Variants in MAOB observed in about 807,000 individuals in gnomAD.
The protein encoded by MAOB is monoamine oxidase B, also known as amine oxidase [flavin-containing] B.
Under a neutral mutation model 41.9 loss-of-function variants are expected in MAOB, and 15 were observed. The observed-to-expected ratio is 0.36, with a 90% confidence interval of 0.24 to 0.55. The LOEUF (loss-of-function observed/expected upper bound fraction) is 0.55. Ranked by LOEUF, MAOB falls within the 20% of genes least tolerant of loss-of-function variation. The pLI, the probability that MAOB is intolerant of heterozygous loss-of-function variation, is 0.86. For synonymous variants in MAOB, 167 were observed against 144.2 expected, an observed-to-expected ratio of 1.16 and a Z score of -1.13; for missense variants, 345 against 398.7, an observed-to-expected ratio of 0.87 and a Z score of 1.15.
chrX:43,801,433 A>G (rs370261151), intron 5 of MAOB, among the ~76,000 whole-genome samples: 37 of 111,559 alleles, frequency 3.3e-4, no homozygotes, highest in African/African-American at 1.2e-3. Flanking sequence ...AATGCTCTTT[A>G]GCAAGACAGG....
chrX:43,869,220 C>T (rs1480236489), intron 1 of MAOB, among the ~76,000 whole-genome samples: 1 of 111,762 alleles, frequency 8.9e-6, no homozygotes, highest in Non-Finnish European at 1.9e-5. Flanking sequence ...AGATCTCTCT[C>T]TCTCTATTAT....
rs761623995 is a variant in MAOB at position 43,775,155 on chromosome X, T to A, written c.1235+20A>T. ...AGGTGCAGGGGATTTCTGTAACAGC[T>A]TAGCATGCTTTTACTCTACCTTCCA... On this transcript the variant is annotated intron_variant, in intron 12 of 14. Coordinates refer to ENST00000378069, the MANE Select transcript of MAOB (RefSeq NM_000898.5). 25 of 1,158,027 alleles carry A rather than the reference T, an allele frequency of 2.2e-5. No homozygotes were observed. Among genetic ancestry groups the A allele is most frequent in the Non-Finnish European group, 2.8e-5 (24 of 871,604 alleles).
intron 1 of MAOB, among the ~76,000 whole-genome samples, chrX:43,868,962 A>G (rs1158403228): frequency 1.8e-5 from 2 of 111,103 alleles, no homozygotes; most frequent in Non-Finnish European, 3.8e-5. Flanking sequence ...TTTCTAAATG[A>G]TAGCCTCGTA....
At chrX:43,812,519 C>A (rs1231445912) in intron 3 of MAOB, among the ~76,000 whole-genome samples, 1 of 112,087 alleles carries the variant, frequency 8.9e-6, no homozygotes, top group East Asian at 2.8e-4. Context: ...TACTACCTGT[C>A]TTTTGAATAT....
intron 3 of MAOB, among the ~76,000 whole-genome samples, chrX:43,803,768 T>C (rs771908813): frequency 9.0e-6 from 1 of 111,650 alleles, no homozygotes; most frequent in South Asian, 3.7e-4. Context: ...TCTGTGTGCC[T>C]GGAGAGTCAG....
Position 43,767,481 on chromosome X carries a change from T to A in MAOB, c.1548A>T (p.Leu516=), listed in dbSNP as rs1228732502. The A allele has an allele frequency of 1.7e-6, 2 of 1,208,043 alleles. No homozygotes were observed. Among genetic ancestry groups the A allele is most frequent in the African/African-American group, 1.8e-5 (1 of 56,999 alleles). ...ALGFLAHKRG[L]LVRV ...CCCTCTCTCTTTAGACTCTCACAAGTAGCCCCCTTTTGTGGGCCAGGAAGC... is the reference window on the plus strand; with the variant it reads ...CCCTCTCTCTTTAGACTCTCACAAGAAGCCCCCTTTTGTGGGCCAGGAAGC... Residue 516 remains leucine (L), a synonymous_variant, in exon 15 of 15, where the codon CTA becomes CTT. Coordinates refer to ENST00000378069, the MANE Select transcript of MAOB (RefSeq NM_000898.5).
intron 8 of MAOB, among the ~76,000 whole-genome samples, chrX:43,792,226 T>G (rs1281612514): frequency 1.8e-5 from 2 of 112,331 alleles, no homozygotes; most frequent in Admixed American, 1.9e-4. Context: ...TTGAAAGAAC[T>G]GTGCTTAGAA....
chrX:43,827,839 A>G (rs886630806), intron 3 of MAOB, among the ~76,000 whole-genome samples: 1 of 111,798 alleles, frequency 8.9e-6, no homozygotes, highest in East Asian at 2.8e-4. Flanking sequence ...TGAAAATTTA[A>G]TTTTATTCAC....
chrX:43,827,459 C>A (rs943247058), intron 3 of MAOB, among the ~76,000 whole-genome samples: 1 of 111,729 alleles, frequency 9.0e-6, no homozygotes, highest in Non-Finnish European at 1.9e-5. Context: ...CATGTGGCTT[C>A]TCCAGTATGG....
chrX:43,861,968 C>A (rs767941339), intron 1 of MAOB, among the ~76,000 whole-genome samples: 1 of 110,110 alleles, frequency 9.1e-6, no homozygotes, highest in East Asian at 2.9e-4. Context: ...GTCAGCAACC[C>A]AAGTTGAAAG....
intron 3 of MAOB, among the ~76,000 whole-genome samples, chrX:43,830,465 G>T (rs770738205): frequency 3.6e-5 from 4 of 111,973 alleles, no homozygotes; most frequent in East Asian, 2.8e-4. Context: ...AGCCAGAAAA[G>T]ATCACTTTAT....
intron 3 of MAOB, among the ~76,000 whole-genome samples, chrX:43,814,219 C>T (rs1290404624): frequency 9.0e-6 from 1 of 110,823 alleles, no homozygotes; most frequent in Non-Finnish European, 1.9e-5. Flanking sequence ...ATTCAAGCTC[C>T]TGTGCCTGGT....
intron 1 of MAOB, among the ~76,000 whole-genome samples, chrX:43,879,597 G>A (rs996721075): frequency 1.2e-4 from 13 of 111,295 alleles, no homozygotes; most frequent in Admixed American, 9.5e-4. Flanking sequence ...AACTCTAGAC[G>A]TCCTATCTTT....
At chrX:43,789,936 G>A (rs1359129996) in intron 8 of MAOB, among the ~76,000 whole-genome samples, 2 of 111,802 alleles carry the variant, frequency 1.8e-5, no homozygotes, top group Non-Finnish European at 3.8e-5. Context: ...GGATTGGGTG[G>A]GGGGTGTGGA....
chrX:43,778,805 G>A, intron 10 of MAOB, 66 bp from the exon 11 acceptor site: 1 of 857,800 alleles, frequency 1.2e-6, no homozygotes, highest in South Asian at 2.3e-5. Flanking sequence ...AAGTGGGAAA[G>A]AGGCATTTAT....
At chrX:43,774,202 A>G (rs763796571) in intron 12 of MAOB, among the ~76,000 whole-genome samples, 1 of 111,937 alleles carries the variant, frequency 8.9e-6, no homozygotes, top group South Asian at 3.7e-4. Context: ...TCCTGTTTAG[A>G]TTAAGCTTTT....
At chrX:43,794,344 C>G (rs12010996) in intron 7 of MAOB, among the ~76,000 whole-genome samples, 3,207 of 111,072 alleles carry the variant, frequency 0.029, 142 homozygotes, top group African/African-American at 0.098. Flanking sequence ...CTTCCCTGAT[C>G]ACCTTATTTA....
intron 1 of MAOB, among the ~76,000 whole-genome samples, chrX:43,854,824 G>C (rs1347187581): frequency 9.0e-6 from 1 of 111,427 alleles, no homozygotes; most frequent in Non-Finnish European, 1.9e-5. Context: ...CCTGAACTTC[G>C]CATCAAAAAA....
intron 8 of MAOB, among the ~76,000 whole-genome samples, chrX:43,784,812 G>T (rs979830839): frequency 3.6e-5 from 4 of 112,050 alleles, no homozygotes; most frequent in African/African-American, 1.3e-4. Flanking sequence ...GTCCTAGATG[G>T]CATTTTCTTC....
Sources: gnomAD v4.1 joint callset for allele counts (sites outside exome capture counted in the v4.1 genomes callset) on GRCh38, gnomAD v4.1.1 for gene constraint, MANE v1.5 for transcripts, NCBI Gene and HGNC (gene_info 2026-07-23, HGNC 2026-07-21) for gene names.